The following IQCE variants were observed in gnomAD, a reference collection of about 807,000 sequenced individuals.
IQCE encodes the protein IQ motif containing E, also known as IQ domain-containing protein E.
Under a neutral mutation model 96.0 loss-of-function variants are expected in IQCE, and 115 were observed. The observed-to-expected ratio is 1.20, with a 90% CI of 1.03 to 1.40. IQCE has a LOEUF of 1.40. Ranked by LOEUF, IQCE falls within the 40% of genes most tolerant of loss-of-function variation. The pLI, the probability that IQCE is intolerant of heterozygous loss-of-function variation, is 0.00. For synonymous variants in IQCE, 412 were observed against 371.2 expected (o/e 1.11, Z -1.26); for missense variants, 1,041 against 909.1 (o/e 1.15, Z -1.87).
chr7:2,582,726 C>A, intron 9 of IQCE, 76 bp downstream of exon 9: 1 of 1,315,340 alleles, frequency 7.6e-7, no homozygotes, highest in Non-Finnish European at 1.1e-6. Context: ...CTTTGTTCCT[C>A]CCCCACCCCG....
intron 14 of IQCE, among the ~76,000 whole-genome samples, chr7:2,590,577 CA>C (rs1783511689): frequency 6.6e-6 from 1 of 151,890 alleles, no homozygotes; most frequent in African/African-American, 2.4e-5. Flanking sequence ...CCAGCCTGGG[CA>C]ACACAGCAAG....
chr7:2,607,158 A>G lies in IQCE; in HGVS notation c.1900A>G (p.Thr634Ala). The part of the protein sequence containing the change: ...TGKRTTTAAS[T>A]RRRSASATHG... ...TAAAAGAACCACCACCGCAGCTTCT[A>G]CCAGGAGGAGATCGGCTTCAGCCAC... Residue 634 changes from threonine (T) to alanine (A), a missense_variant, in exon 21 of 22, where the codon ACC becomes GCC. Coordinates refer to ENST00000402050, the MANE Select transcript of IQCE (RefSeq NM_152558.5). 1.2e-6 allele frequency: 2 copies of G among 1,611,984 alleles called. No individual in the cohort carries two copies. The highest frequency in any genetic ancestry group is 1.7e-6 in the Non-Finnish European group (2 of 1,179,174).
chr7:2,579,259 C>T (rs752642819), intron 8 of IQCE, among the ~76,000 whole-genome samples: 9 of 151,974 alleles, frequency 5.9e-5, no homozygotes, highest in Non-Finnish European at 1.0e-4. Context: ...AAGTACTTCT[C>T]TAAAGTGGGA....
intron 1 of IQCE, among the ~76,000 whole-genome samples, chr7:2,562,419 G>T (rs1463195255): frequency 4.6e-5 from 7 of 151,966 alleles, no homozygotes; most frequent in Admixed American, 4.6e-4. Flanking sequence ...TTTGGTATCA[G>T]TGTAATATAG....
intron 1 of IQCE, among the ~76,000 whole-genome samples, chr7:2,564,455 C>T (rs980230779): frequency 4.6e-5 from 7 of 150,786 alleles, no homozygotes; most frequent in East Asian, 4.0e-4. Flanking sequence ...AACAATTATC[C>T]GGGCGTGGTG....
In IQCE at chr7:2,592,429, G is replaced by A. The variant is rs1322117552; in HGVS notation, c.1245-593G>A. 1.3e-5 allele frequency among the ~76,000 whole-genome samples: 2 copies of A among 152,208 alleles called. 1 individual carries two copies. The highest frequency in any genetic ancestry group is 1.3e-4 in the Admixed American group (2 of 15,290). On this transcript the variant is annotated intron_variant, in intron 14 of 21. Transcript: ENST00000402050. ...GAGCCACCTCTTAGGAGCCCTTACC[G>A]TGTGACAGGGGCTCTGCGAAGCACT...
chr7:2,571,342 A>G (rs1781740507), intron 3 of IQCE, 184 bp from the exon 4 acceptor site: 1 of 685,622 alleles, frequency 1.5e-6, no homozygotes, highest in East Asian at 3.0e-5. Flanking sequence ...TCTTTATAAT[A>G]AAAGTTAAAG....
In IQCE at chr7:2,598,563, C is replaced by T. The variant is rs377717187; in HGVS notation, c.1539C>T (p.Pro513=). The T allele has an allele frequency of 3.7e-5, 59 of 1,610,996 alleles. No individual in the cohort carries two copies. The African/African-American group carries it at 7.2e-4, about 20-fold the overall frequency. The change falls in exon 17 of 22, where the codon CCC becomes CCT. Residue 513 remains proline, a synonymous_variant. Coordinates refer to ENST00000402050, the MANE Select transcript of IQCE (RefSeq NM_152558.5). The part of the protein sequence containing the change: ...SEEGLPRPRS[P]CSDGRRDAAA... ...AGGGGCTCCCGCGGCCCCGCTCCCC[C>T]TGCTCTGATGGGAGAAGAGACGCCG...
chr7:2,567,056 G>A (rs187891308), intron 1 of IQCE, 60 bp from the exon 2 acceptor site: 22 of 1,452,542 alleles, frequency 1.5e-5, no homozygotes, highest in Middle Eastern at 3.5e-4. Flanking sequence ...TTTTGTAAAC[G>A]TGATGGTCGG....
chr7:2,580,930 T>C (rs528505346), intron 8 of IQCE, among the ~76,000 whole-genome samples: 12 of 152,158 alleles, frequency 7.9e-5, no homozygotes, highest in African/African-American at 2.9e-4. Flanking sequence ...CATCTTTTTT[T>C]TTTGAGACGG....
At chr7:2,584,376 C>A (rs1782935941) in intron 11 of IQCE, 91 bp downstream of exon 11, 5 of 1,178,540 alleles carry the variant, frequency 4.2e-6, no homozygotes, top group Non-Finnish European at 6.4e-6. Flanking sequence ...GTGGGTGCGG[C>A]ATATACTGCC....
chr7:2,601,425 C>CT lies in IQCE; in HGVS notation c.1609-5dup, dbSNP rs369981952. 211,710 of 1,118,424 alleles carry CT rather than the reference C, an allele frequency of 0.19. 3,813 individuals are homozygous for CT. Among genetic ancestry groups the CT allele is most frequent in the African/African-American group, 0.22 (13,598 of 61,678 alleles). 69.3% of individuals were successfully genotyped at this position (1,118,424 alleles called of 1,614,324 possible). On this transcript the variant is annotated splice_polypyrimidine_tract_variant and intron_variant, in intron 17 of 21. Transcript: ENST00000402050. ...GTGTTAATTCATGTATTTTTTCTTT[C>CT]TTTTTTTTTTTCCAGAAAAAAAAGG...
chr7:2,584,402 C>A, intron 11 of IQCE, 117 bp downstream of exon 11: 2 of 883,832 alleles, frequency 2.3e-6, no homozygotes, highest in Non-Finnish European at 3.9e-6. Context: ...CTTGGCAGTG[C>A]TGCCAACACT....
In IQCE at chr7:2,605,859, C is replaced by CT; in HGVS notation, c.1744-16dup. The stretch of plus-strand genomic sequence containing the variant: ...GGCTGCCAAACAGTCGTCTTCCCTG[C>CT]TGTCCTTGCACCCCAGAGCTCTCCT... On this transcript the variant is annotated splice_polypyrimidine_tract_variant and intron_variant, in intron 19 of 21. Coordinates refer to ENST00000402050, the MANE Select transcript of IQCE (RefSeq NM_152558.5). The CT allele has an allele frequency of 6.4e-7, 1 of 1,565,076 alleles. No individual in the cohort carries two copies. The highest frequency in any genetic ancestry group is 1.7e-4 in the Middle Eastern group (1 of 5,784).
At chr7:2,605,659 A>AATAAATAGATAAATAAATAG (rs1554319686) in intron 19 of IQCE, among the ~76,000 whole-genome samples, 25 of 149,490 alleles carry the variant, frequency 1.7e-4, no homozygotes, top group Admixed American at 1.3e-4. Context: ...TAAATAAATA[A>AATAAATAGATAAATAAATAG]ATAAATAGAT....
chr7:2,559,292 G>C (rs1780736347), intron 1 of IQCE, 75 bp downstream of exon 1: 1 of 953,264 alleles, frequency 1.0e-6, no homozygotes, highest in Non-Finnish European at 1.3e-6. Context: ...CCGCAGCCTC[G>C]GGGCCCCGCG....
At position 2,587,961 on chromosome 7, in the gene IQCE, C is replaced by T. The variant is rs1050552486; in HGVS notation, c.1044+84C>T. On this transcript the variant is annotated intron_variant, in intron 13 of 21. Coordinates refer to ENST00000402050, the MANE Select transcript of IQCE (RefSeq NM_152558.5). ...CGGGCTCACAGGGTGCGGAAGGTGG[C>T]GCTGAGCATGGCACTGGCTGTCTGC... 146 of 1,288,038 alleles carry T rather than the reference C, an allele frequency of 1.1e-4. 1 individual carries two copies. The highest frequency in any genetic ancestry group is 2.7e-4 in the South Asian group (23 of 84,520). The allele number at this position is 1,288,038 out of a possible 1,614,324, so 79.8% of individuals were successfully genotyped here. A position where few individuals can be genotyped will look rare whatever the true frequency, so the allele number is the denominator to read the frequency against.
At position 2,578,304 on chromosome 7, in the gene IQCE, G is replaced by A. The variant is rs199510266; in HGVS notation, c.528G>A (p.Glu176=). ...LMRTKLRRLE[E]ENSRKDRQIE... ...GAACGAAGCTCCGGCGCCTGGAGGAGGAAAACAGCAGGAAGGACCGGCAGA... is the reference window on the plus strand; with the variant it reads ...GAACGAAGCTCCGGCGCCTGGAGGAAGAAAACAGCAGGAAGGACCGGCAGA... The change falls in exon 7 of 22, where the codon GAG becomes GAA. Residue 176 remains glutamate (E), a synonymous_variant. Coordinates refer to ENST00000402050, the MANE Select transcript of IQCE (RefSeq NM_152558.5). 20 of 1,613,978 alleles carry A rather than the reference G, an allele frequency of 1.2e-5. No individual in the cohort carries two copies. Among genetic ancestry groups the A allele is most frequent in the East Asian group, 2.2e-5 (1 of 44,888 alleles).
rs1278365525 is a variant in IQCE at position 2,604,976 on chromosome 7, A to C, written c.1728A>C (p.Pro576=). ...KAHGSEPPSV[P]GLPDQSSPVP... ...ATGGCTCAGAGCCACCCAGCGTGCC[A>C]GGCCTCCCAGACCAGGTAATGTCGG... The change falls in exon 19 of 22, where the codon CCA becomes CCC. Residue 576 remains proline (P), a synonymous_variant. Transcript: ENST00000402050. The C allele has an allele frequency of 6.2e-7, 1 of 1,612,534 alleles. No individual in the cohort carries two copies. Among genetic ancestry groups the C allele is most frequent in the Non-Finnish European group, 8.5e-7 (1 of 1,179,258 alleles).
Sources: allele counts gnomAD v4.1 joint callset (sites outside exome capture counted in the v4.1 genomes callset), GRCh38; gene constraint gnomAD v4.1.1; transcripts MANE v1.5; gene names NCBI Gene and HGNC (gene_info 2026-07-23, HGNC 2026-07-21).